The following MIR2052HG variants were observed in gnomAD, a reference collection of about 807,000 sequenced individuals.
The protein encoded by MIR2052HG is MIR2052 host gene.
At chr8:74,681,689 T>C (rs1257463169) in intron 2 of MIR2052HG, among the ~76,000 whole-genome samples, 1 of 152,134 alleles carries the variant, frequency 6.6e-6, no homozygotes, top group African/African-American at 2.4e-5. Flanking sequence ...TTGGCCCCCG[T>C]TTGCTCTCTG....
At chr8:74,630,805 T>A (rs1808501012) in intron 2 of MIR2052HG, among the ~76,000 whole-genome samples, 2 of 152,184 alleles carry the variant, frequency 1.3e-5, no homozygotes, top group Non-Finnish European at 2.9e-5. Context: ...TACCATTTAG[T>A]GCCTCTGACA....
intron 2 of MIR2052HG, among the ~76,000 whole-genome samples, chr8:74,649,659 C>A (rs1279471630): frequency 6.6e-6 from 1 of 151,602 alleles, no homozygotes; most frequent in Admixed American, 6.6e-5. Flanking sequence ...TTTGTGTTTA[C>A]AAAATGCCTA....
At chr8:74,744,167 G>A (rs1809858598) in intron 4 of MIR2052HG, among the ~76,000 whole-genome samples, 1 of 151,832 alleles carries the variant, frequency 6.6e-6, no homozygotes, top group Admixed American at 6.6e-5. Context: ...GATTTGTTTG[G>A]GTATGTGATG....
At chr8:74,603,709 T>C (rs878866007) in intron 1 of MIR2052HG, 13 of 910,238 alleles carry the variant, frequency 1.4e-5, no homozygotes, top group South Asian at 6.5e-5. Flanking sequence ...AGGCTTGAGC[T>C]GGTACGGGAT....
chr8:74,603,859 G>A, intron 1 of MIR2052HG: 2 of 926,984 alleles, frequency 2.2e-6, no homozygotes, highest in Middle Eastern at 2.2e-4. Context: ...CTAGACCTGA[G>A]CCCCTGTACT....
At chr8:74,700,198 A>G (rs1446116269) in intron 2 of MIR2052HG, among the ~76,000 whole-genome samples, 3 of 152,206 alleles carry the variant, frequency 2.0e-5, no homozygotes, top group Non-Finnish European at 2.9e-5. Context: ...TGTGCTGTGT[A>G]TATGTATGTG....
chr8:74,631,548 T>C (rs1419936265), intron 2 of MIR2052HG, among the ~76,000 whole-genome samples: 1 of 152,194 alleles, frequency 6.6e-6, no homozygotes, highest in Non-Finnish European at 1.5e-5. Flanking sequence ...TACCTAATCA[T>C]ATATTTACCT....
chr8:74,694,222 G>A (rs1254028871), intron 2 of MIR2052HG, among the ~76,000 whole-genome samples: 1 of 152,162 alleles, frequency 6.6e-6, no homozygotes, highest in Non-Finnish European at 1.5e-5. Context: ...CCGAGAGCCT[G>A]GTAGCTCTAC....
chr8:74,700,874 T>C (rs916849693), intron 2 of MIR2052HG, among the ~76,000 whole-genome samples: 10 of 152,162 alleles, frequency 6.6e-5, no homozygotes, highest in Non-Finnish European at 1.5e-4. Context: ...TCCACAAATA[T>C]GTATTGATGT....
At chr8:74,731,131 G>A (rs1055660262) in intron 4 of MIR2052HG, among the ~76,000 whole-genome samples, 1 of 152,154 alleles carries the variant, frequency 6.6e-6, no homozygotes, top group Admixed American at 6.5e-5. Flanking sequence ...GAACTGGAAT[G>A]AGAGACACAT....
intron 2 of MIR2052HG, among the ~76,000 whole-genome samples, chr8:74,631,099 G>C (rs1348540672): frequency 6.6e-6 from 1 of 152,194 alleles, no homozygotes; most frequent in African/African-American, 2.4e-5. Context: ...TTTCGTATTA[G>C]AGTAGTTTGA....
chr8:74,658,119 C>T (rs1456920155), intron 2 of MIR2052HG, among the ~76,000 whole-genome samples: 1 of 152,104 alleles, frequency 6.6e-6, no homozygotes, highest in Admixed American at 6.5e-5. Context: ...TTTTCAAATA[C>T]CTATATACTC....
chr8:74,656,036 A>G (rs1257763669), intron 2 of MIR2052HG, among the ~76,000 whole-genome samples: 2 of 152,134 alleles, frequency 1.3e-5, no homozygotes, highest in Admixed American at 6.5e-5. Flanking sequence ...TGGATTTTGA[A>G]CTTGCGTGGG....
rs141176078 is a variant in MIR2052HG at position 74,648,610 on chromosome 8, C to T, written n.216+35670C>T. Among the ~76,000 whole-genome samples the T allele has an allele frequency of 5.7e-4, 87 of 152,246 alleles. 2 individuals are homozygous for T. In the East Asian group the frequency reaches 0.013, roughly 23 times the overall value. On this transcript the variant is annotated intron_variant and non_coding_transcript_variant, in intron 2 of 6. Coordinates refer to ENST00000523442, the Ensembl canonical transcript of MIR2052HG. ...TCCTACCAATATGTGATGACACCCCCGGAGGCCCAGCTGTAAAATTTCTCT... is the reference window on the plus strand; with the variant it reads ...TCCTACCAATATGTGATGACACCCCTGGAGGCCCAGCTGTAAAATTTCTCT...
chr8:74,648,013 G>A (rs532540219), intron 2 of MIR2052HG, among the ~76,000 whole-genome samples: 5 of 152,020 alleles, frequency 3.3e-5, no homozygotes, highest in Admixed American at 2.0e-4. Flanking sequence ...TGAAATCAGT[G>A]CACCCTAAAA....
At chr8:74,754,047 T>G (rs540063129) in intron 5 of MIR2052HG, among the ~76,000 whole-genome samples, 1 of 152,322 alleles carries the variant, frequency 6.6e-6, no homozygotes, top group East Asian at 1.9e-4. Flanking sequence ...TGAATCAGCC[T>G]TTGCTTTACC....
chr8:74,655,112 C>G (rs2128736453), intron 2 of MIR2052HG, among the ~76,000 whole-genome samples: 2 of 152,192 alleles, frequency 1.3e-5, no homozygotes, highest in East Asian at 3.9e-4. Flanking sequence ...AAAGAAATCT[C>G]TAAGCAGTAG....
intron 2 of MIR2052HG, among the ~76,000 whole-genome samples, chr8:74,668,860 A>C (rs1362901540): frequency 6.6e-6 from 1 of 152,164 alleles, no homozygotes; most frequent in East Asian, 1.9e-4. Context: ...GACTTGCGGA[A>C]GCTCATTTCA....
chr8:74,682,389 A>G (rs1176551453), intron 2 of MIR2052HG, among the ~76,000 whole-genome samples: 1 of 152,184 alleles, frequency 6.6e-6, no homozygotes, highest in East Asian at 1.9e-4. Context: ...TCTGAGATAT[A>G]TAACTGAAAA....
Sources: allele counts gnomAD v4.1 joint callset (sites outside exome capture counted in the v4.1 genomes callset), GRCh38; gene constraint gnomAD v4.1.1; transcripts MANE v1.5; gene names NCBI Gene and HGNC (gene_info 2026-07-23, HGNC 2026-07-21).